Variants in ANTXR1 observed in about 807,000 individuals in gnomAD.
ANTXR1 encodes the protein ANTXR cell adhesion molecule 1.
In ANTXR1, 19 loss-of-function variants were observed where a neutral mutation model predicts 78.1. The observed-to-expected ratio is 0.24, with a 90% CI of 0.17 to 0.36. The LOEUF (loss-of-function observed/expected upper bound fraction) is 0.36. Ranked by LOEUF, ANTXR1 falls within the 10% of genes least tolerant of loss-of-function variation. The pLI is 1.00. For synonymous variants in ANTXR1, 273 were observed against 260.5 expected, an observed-to-expected ratio of 1.05 and a Z score of -0.46; for missense variants, 518 against 718.6, an observed-to-expected ratio of 0.72 and a Z score of 3.19.
At chr2:69,125,258 A>T (rs952550547) in intron 12 of ANTXR1, among the ~76,000 whole-genome samples, 2 of 152,192 alleles carry the variant, frequency 1.3e-5, no homozygotes, top group African/African-American at 2.4e-5. Context: ...AGCTCCTCAG[A>T]TAGCCCTTCT....
intron 10 of ANTXR1, among the ~76,000 whole-genome samples, chr2:69,112,914 G>C (rs940451374): frequency 6.6e-6 from 1 of 152,108 alleles, no homozygotes; most frequent in Admixed American, 6.5e-5. Flanking sequence ...AATGGTTGGG[G>C]GACAAAAGGG....
intron 17 of ANTXR1, among the ~76,000 whole-genome samples, chr2:69,243,668 C>A (rs908403762): frequency 2.0e-5 from 3 of 152,146 alleles, no homozygotes; most frequent in African/African-American, 7.2e-5. Context: ...AAATTCCACA[C>A]CTCACCCTCT....
intron 3 of ANTXR1, among the ~76,000 whole-genome samples, chr2:69,048,429 T>G (rs938578113): frequency 6.6e-6 from 1 of 152,206 alleles, no homozygotes; most frequent in Non-Finnish European, 1.5e-5. Context: ...AGCACCCCTA[T>G]TTATAACTGT....
intron 16 of ANTXR1, among the ~76,000 whole-genome samples, chr2:69,189,363 A>T (rs950228886): frequency 2.6e-5 from 4 of 152,228 alleles, no homozygotes; most frequent in African/African-American, 9.6e-5. Context: ...GTACTTATCC[A>T]TCGGTAAATA....
At chr2:69,230,025 T>TC in intron 17 of ANTXR1, among the ~76,000 whole-genome samples, 1 of 152,182 alleles carries the variant, frequency 6.6e-6, no homozygotes, top group East Asian at 1.9e-4. Context: ...CTCTACCACC[T>TC]CTAAAGTATA....
rs747908253 is a variant in ANTXR1, at chr2:69,182,599, G to A, written c.1292G>A (p.Arg431Gln). 9.9e-6 allele frequency: 16 copies of A among 1,614,030 alleles called. No individual in the cohort carries two copies. Among genetic ancestry groups the A allele is most frequent in the South Asian group, 3.3e-5 (3 of 91,084 alleles). Residue 431 changes from arginine to glutamine, a missense_variant, in exon 16 of 18, where the codon CGA becomes CAA. Physicochemically the swap from Arg to Gln is conservative, Grantham distance 43. Transcript: ENST00000303714. ...PEQEYEFPEP[R>Q]NLNNNMRRPS... is the part of the protein sequence containing the mutation. ...CAGGAATATGAATTCCCTGAGCCGC[G>A]AAATCTCAACAACAATATGCGTCGG...
At position 69,035,868 on chromosome 2, in the gene ANTXR1, A is replaced by G. The variant is rs934118855; in HGVS notation, c.153-4176A>G. On this transcript the variant is annotated intron_variant, in intron 1 of 17. Coordinates refer to ENST00000303714, the MANE Select transcript of ANTXR1 (RefSeq NM_032208.3). ...TGGATGTAGACTTTTGTCAACACCC[A>G]AGGATATATTTTGGATCTTTCCCTA... 2.0e-5 allele frequency among the ~76,000 whole-genome samples: 3 copies of G among 152,256 alleles called. No homozygotes were observed. In the South Asian group the frequency reaches 6.2e-4, roughly 31 times the overall value.
intron 13 of ANTXR1, among the ~76,000 whole-genome samples, chr2:69,166,868 AAAT>A (rs1330339082): frequency 6.6e-6 from 1 of 152,248 alleles, no homozygotes; most frequent in African/African-American, 2.4e-5. Flanking sequence ...GGTTGGAAAC[AAAT>A]AATTATGCAA....
chr2:69,176,952 A>C lies in ANTXR1; in HGVS notation c.1090-4834A>C, dbSNP rs143139415. On this transcript the variant is annotated intron_variant, in intron 14 of 17. Coordinates refer to ENST00000303714, the MANE Select transcript of ANTXR1 (RefSeq NM_032208.3). ...AGCAGGAAAGTTAAAGAACTTATCA[A>C]TTGAGTCTGAGAGGGCCACCCTTTG... 2.4e-3 allele frequency among the ~76,000 whole-genome samples: 364 copies of C among 152,324 alleles called. No homozygotes were observed. The Middle Eastern group carries it at 0.031, about 13-fold the overall frequency.
rs1291455131 is a variant in ANTXR1, at chr2:69,246,834, G to T, written c.*1349G>T. On this transcript the variant is annotated 3_prime_UTR_variant, in exon 18 of 18. Coordinates refer to ENST00000303714, the MANE Select transcript of ANTXR1 (RefSeq NM_032208.3). ...CAGAGATCATTGTCTTGGACCTCCT[G>T]CATCAGCCTATTCAAAATTATCTCT... is the stretch of plus-strand genomic sequence containing the variant. 6.6e-6 allele frequency: 1 copy of T among 152,152 alleles called. No homozygotes were observed. The highest frequency in any genetic ancestry group is 2.4e-5 in the African/African-American group (1 of 41,432). The allele number at this position is 152,152 out of a possible 1,614,324, so 9.4% of individuals were successfully genotyped here.
intron 3 of ANTXR1, among the ~76,000 whole-genome samples, chr2:69,049,197 G>C (rs1669859475): frequency 6.6e-6 from 1 of 152,112 alleles, no homozygotes; most frequent in African/African-American, 2.4e-5. Context: ...CTGTAGAAAA[G>C]ACCATGCATG....
chr2:69,033,411 A>T (rs946005382), intron 1 of ANTXR1, among the ~76,000 whole-genome samples: 1 of 152,352 alleles, frequency 6.6e-6, no homozygotes, highest in East Asian at 1.9e-4. Flanking sequence ...TTGCCCTCAG[A>T]TTATTGTTCA....
intron 16 of ANTXR1, among the ~76,000 whole-genome samples, chr2:69,184,158 G>A (rs976395458): frequency 6.6e-5 from 10 of 151,968 alleles, no homozygotes; most frequent in Admixed American, 3.9e-4. Flanking sequence ...TTTGGATCAG[G>A]GCTTCTCCAA....
At chr2:69,033,213 G>A (rs763806190) in intron 1 of ANTXR1, among the ~76,000 whole-genome samples, 198 of 152,322 alleles carry the variant, frequency 1.3e-3, no homozygotes, top group Admixed American at 2.5e-3. Flanking sequence ...GACTAGGTTT[G>A]GGTCTGTATT....
At chr2:69,118,320 G>T (rs1672220108) in intron 10 of ANTXR1, among the ~76,000 whole-genome samples, 1 of 151,802 alleles carries the variant, frequency 6.6e-6, no homozygotes, top group Admixed American at 6.6e-5. Flanking sequence ...GGTGGGGTGG[G>T]TGAGGGGGAC....
chr2:69,024,420 A>G (rs985469048), intron 1 of ANTXR1, among the ~76,000 whole-genome samples: 1 of 152,214 alleles, frequency 6.6e-6, no homozygotes, highest in Non-Finnish European at 1.5e-5. Flanking sequence ...TTGAAGAGGA[A>G]GATGGCCAAA....
intron 17 of ANTXR1, among the ~76,000 whole-genome samples, chr2:69,206,217 C>T (rs941456924): frequency 6.6e-6 from 1 of 152,240 alleles, no homozygotes; most frequent in African/African-American, 2.4e-5. Flanking sequence ...CAGGCATTGA[C>T]TGGCCTCAAT....
At chr2:69,109,917 A>G (rs1434218943) in intron 10 of ANTXR1, among the ~76,000 whole-genome samples, 1 of 152,260 alleles carries the variant, frequency 6.6e-6, no homozygotes, top group Admixed American at 6.5e-5. Context: ...AATAGGATAT[A>G]TAACAAACAT....
intron 13 of ANTXR1, among the ~76,000 whole-genome samples, chr2:69,167,136 T>C (rs1673848077): frequency 6.6e-6 from 1 of 152,188 alleles, no homozygotes; most frequent in East Asian, 1.9e-4. Context: ...CCCAGGAGAC[T>C]GGAGTGCAGA....
Sources: gnomAD v4.1 joint callset for allele counts (sites outside exome capture counted in the v4.1 genomes callset) on GRCh38, gnomAD v4.1.1 for gene constraint, MANE v1.5 for transcripts, NCBI Gene and HGNC (gene_info 2026-07-23, HGNC 2026-07-21) for gene names.